GPHN: variants seen among roughly 807,000 people sequenced by gnomAD.
The protein encoded by GPHN is gephyrin.
GPHN carries 17 observed loss-of-function variants against 95.5 expected under a neutral mutation model. That is an observed-to-expected ratio of 0.18 (90% CI 0.12 to 0.27). The LOEUF (loss-of-function observed/expected upper bound fraction) is 0.27. GPHN is among the 10% of genes least tolerant of loss of function. The probability of loss-of-function intolerance (pLI) is 1.00; values close to 1 mark genes in which losing one functional copy is unlikely to be tolerated. For synonymous variants in GPHN, 320 were observed against 322.5 expected, an observed-to-expected ratio of 0.99 and a Z score of 0.08; for missense variants, 660 against 978.1, an observed-to-expected ratio of 0.67 and a Z score of 4.34.
the GPHN span, chr14:67,579,245 G>T: frequency 1.3e-5 from 21 of 1,606,538 alleles, no homozygotes; most frequent in South Asian, 2.2e-4. Context: ...CCATCCTGCT[G>T]CGTAACCCCT....
chr14:67,204,024 T>C, the GPHN span, among the ~76,000 whole-genome samples: 1 of 152,166 alleles, frequency 6.6e-6, no homozygotes, highest in Non-Finnish European at 1.5e-5. Flanking sequence ...TTCAGACGTT[T>C]TTATACATCA....
chr14:66,717,634 G>C (rs934786436), intron 2 of GPHN, among the ~76,000 whole-genome samples: 1 of 152,140 alleles, frequency 6.6e-6, no homozygotes, highest in Admixed American at 6.5e-5. Context: ...ATTTGGGTAG[G>C]CTCTGACAGA....
the GPHN span, among the ~76,000 whole-genome samples, chr14:67,330,138 A>AAATAAT: frequency 6.8e-6 from 1 of 146,492 alleles, no homozygotes; most frequent in Non-Finnish European, 1.5e-5. Context: ...ACCAGGAAAT[A>AAATAAT]AATAATAATA....
chr14:67,059,831 T>C (rs1179035475), intron 11 of GPHN, among the ~76,000 whole-genome samples: 2 of 152,132 alleles, frequency 1.3e-5, no homozygotes. Context: ...GATATGCATA[T>C]CATTAGGCTT....
At chr14:67,082,248 A>T (rs1183260008) in intron 11 of GPHN, among the ~76,000 whole-genome samples, 1 of 152,040 alleles carries the variant, frequency 6.6e-6, no homozygotes, top group African/African-American at 2.4e-5. Flanking sequence ...ATGTGTTTCC[A>T]TTTGTTTGTG....
At chr14:67,367,462 CT>C in the GPHN span, among the ~76,000 whole-genome samples, 2 of 152,206 alleles carry the variant, frequency 1.3e-5, no homozygotes, top group Non-Finnish European at 2.9e-5. Context: ...ATCTCCTGAC[CT>C]TGTGATCCAC....
At chr14:67,529,210 C>T in the GPHN span, among the ~76,000 whole-genome samples, 1 of 152,110 alleles carries the variant, frequency 6.6e-6, no homozygotes, top group East Asian at 1.9e-4. Flanking sequence ...GAACACCTTC[C>T]CTCCCCTCCC....
At chr14:67,320,547 A>G in the GPHN span, 2 of 716,700 alleles carry the variant, frequency 2.8e-6, no homozygotes, top group Non-Finnish European at 4.2e-6. Flanking sequence ...GACAATTTTT[A>G]AATTAAAAAT....
the GPHN span, among the ~76,000 whole-genome samples, chr14:67,492,437 C>T: frequency 2.6e-5 from 4 of 152,204 alleles, no homozygotes; most frequent in South Asian, 4.1e-4. Context: ...CTTCTCCTGT[C>T]AGTCAGAAAA....
the GPHN span, among the ~76,000 whole-genome samples, chr14:67,709,368 T>A: frequency 6.6e-6 from 1 of 152,356 alleles, no homozygotes; most frequent in South Asian, 2.1e-4. Context: ...TTTTTCAAAA[T>A]TTTATAAACA....
At chr14:66,632,903 T>C (rs12323906) in intron 1 of GPHN, among the ~76,000 whole-genome samples, 47,284 of 152,098 alleles carry the variant, frequency 0.31, 11,193 homozygotes, top group African/African-American at 0.64. Flanking sequence ...TTGTTCCTTA[T>C]TGTCTTACTT....
At chr14:67,061,292 C>A (rs1287694969) in intron 11 of GPHN, among the ~76,000 whole-genome samples, 1 of 152,130 alleles carries the variant, frequency 6.6e-6, no homozygotes, top group Admixed American at 6.5e-5. Context: ...CCACCCACCT[C>A]GACCTCTCAA....
the GPHN span, chr14:67,208,285 C>T: frequency 6.2e-7 from 1 of 1,613,900 alleles, no homozygotes; most frequent in Non-Finnish European, 8.5e-7. Flanking sequence ...CAAAACATGT[C>T]ACCATCTCAA....
At chr14:66,582,096 A>G (rs557181246) in intron 1 of GPHN, among the ~76,000 whole-genome samples, 2 of 152,092 alleles carry the variant, frequency 1.3e-5, no homozygotes, top group Non-Finnish European at 2.9e-5. Context: ...TTTCTCGAGC[A>G]TTTTGGAAAC....
At chr14:66,614,227 C>T (rs1595239790) in intron 1 of GPHN, among the ~76,000 whole-genome samples, 1 of 152,026 alleles carries the variant, frequency 6.6e-6, no homozygotes, top group East Asian at 1.9e-4. Flanking sequence ...TCTCAACAAA[C>T]AATTATTATT....
the GPHN span, among the ~76,000 whole-genome samples, chr14:67,514,464 G>T: frequency 9.5e-4 from 144 of 152,296 alleles, no homozygotes; most frequent in South Asian, 2.3e-3. Flanking sequence ...AGGGGGCTGG[G>T]CTGGGCCCCA....
At chr14:67,004,024 AGACCTT>A (rs2072427533) in intron 9 of GPHN, among the ~76,000 whole-genome samples, 1 of 151,728 alleles carries the variant, frequency 6.6e-6, no homozygotes, top group African/African-American at 2.4e-5. Flanking sequence ...TGAATAAACT[AGACCTT>A]TATGTTCCTC....
chr14:67,517,305 C>T, the GPHN span, among the ~76,000 whole-genome samples: 17 of 152,316 alleles, frequency 1.1e-4, no homozygotes, highest in Non-Finnish European at 1.8e-4. Context: ...TGGGAGGCAG[C>T]ATTGCGCAGA....
At chr14:67,228,747 A>G in the GPHN span, among the ~76,000 whole-genome samples, 5 of 152,172 alleles carry the variant, frequency 3.3e-5, no homozygotes, top group African/African-American at 7.2e-5. Flanking sequence ...TCTCATTTGT[A>G]TATTAGTCCA....
Sources: allele counts gnomAD v4.1 joint callset (sites outside exome capture counted in the v4.1 genomes callset), GRCh38; gene constraint gnomAD v4.1.1; transcripts MANE v1.5; gene names NCBI Gene and HGNC (gene_info 2026-07-23, HGNC 2026-07-21).